SV2C: variants seen among roughly 807,000 people sequenced by gnomAD.
SV2C encodes synaptic vesicle glycoprotein 2C, also known as solute carrier family 22 member B3.
A neutral mutation model predicts 79.7 loss-of-function variants in SV2C; 49 were observed. That is an observed-to-expected ratio of 0.61 (90% CI 0.49 to 0.78). The LOEUF (loss-of-function observed/expected upper bound fraction) is 0.78, where lower values mean the gene tolerates loss of function less well. SV2C is among the 30% of genes least tolerant of loss of function. SV2C has a pLI of 0.00. For synonymous variants in SV2C, 334 were observed against 333.2 expected (o/e 1.00, Z -0.03); for missense variants, 833 against 912.9 (o/e 0.91, Z 1.13).
At chr5:76,001,528 G>C in the SV2C span, among the ~76,000 whole-genome samples, 51 of 152,004 alleles carry the variant, frequency 3.4e-4, no homozygotes, top group Non-Finnish European at 1.5e-4. Context: ...CGTGAACCCG[G>C]GAGGTGGAGC....
At chr5:75,998,837 T>G in the SV2C span, among the ~76,000 whole-genome samples, 1 of 152,120 alleles carries the variant, frequency 6.6e-6, no homozygotes, top group Admixed American at 6.6e-5. Context: ...TCTCACTCTC[T>G]CTCTCTCTAT....
chr5:76,053,869 T>C, the SV2C span, among the ~76,000 whole-genome samples: 6 of 152,144 alleles, frequency 3.9e-5, no homozygotes, highest in African/African-American at 4.8e-5. Flanking sequence ...ACAAATCTCA[T>C]AGGCTGTGGT....
intron 3 of SV2C, among the ~76,000 whole-genome samples, chr5:76,206,714 T>A (rs1054898575): frequency 2.6e-5 from 4 of 152,218 alleles, no homozygotes; most frequent in African/African-American, 9.6e-5. Context: ...AGAATGAATA[T>A]GATAAAGTCC....
At chr5:76,215,867 A>C (rs1461385181) in intron 4 of SV2C, among the ~76,000 whole-genome samples, 2 of 152,088 alleles carry the variant, frequency 1.3e-5, no homozygotes, top group Non-Finnish European at 2.9e-5. Context: ...AGGCTCGTGG[A>C]CAAAGGTGTT....
chr5:75,882,470 G>A, the SV2C span, among the ~76,000 whole-genome samples: 1 of 151,382 alleles, frequency 6.6e-6, no homozygotes, highest in Admixed American at 6.6e-5. Context: ...GAACAAAGCT[G>A]GAGGCATCAT....
chr5:76,177,090 G>A (rs1183540783), intron 2 of SV2C, among the ~76,000 whole-genome samples: 1 of 145,510 alleles, frequency 6.9e-6, no homozygotes, highest in Non-Finnish European at 1.5e-5. Context: ...ACTCCAGCCT[G>A]GGCGACAGAG....
At chr5:75,901,158 G>C in the SV2C span, among the ~76,000 whole-genome samples, 2 of 152,132 alleles carry the variant, frequency 1.3e-5, no homozygotes, top group Non-Finnish European at 2.9e-5. Flanking sequence ...GAGGAGAGTC[G>C]CTCTGCTTTT....
chr5:76,320,072 G>A (rs543191340), intron 12 of SV2C, among the ~76,000 whole-genome samples: 1 of 152,106 alleles, frequency 6.6e-6, no homozygotes, highest in East Asian at 1.9e-4. Context: ...AGCACTTTGG[G>A]AGGCTGAGGT....
rs369286225 is a variant in SV2C, at chr5:76,300,782, C to T, written c.1690C>T (p.His564Tyr). 1.2e-6 allele frequency: 2 copies of T among 1,614,058 alleles called. No individual in the cohort carries two copies. Among genetic ancestry groups the T allele is most frequent in the Non-Finnish European group, 1.7e-6 (2 of 1,179,980 alleles). Residue 564 changes from histidine to tyrosine, a missense_variant, in exon 11 of 13, where the codon CAC becomes TAC. By Grantham distance (83) the His-to-Tyr change is moderately conservative. Transcript: ENST00000502798. The stretch of plus-strand genomic sequence containing the variant: ...TGAATTTAAAAACTGCTCGTTTTTT[C>T]ACAACAAGACGGGATGTCAGATTAC... ...DSEFKNCSFFHNKTGCQITFD... is the reference protein window; with the variant it reads ...DSEFKNCSFFYNKTGCQITFD...
intron 4 of SV2C, among the ~76,000 whole-genome samples, chr5:76,254,976 C>G (rs938166216): frequency 6.6e-6 from 1 of 152,130 alleles, no homozygotes; most frequent in Non-Finnish European, 1.5e-5. Context: ...CCTCTCTCCA[C>G]CCCACCCCCA....
chr5:76,299,779 A>T (rs1387286870), intron 10 of SV2C, among the ~76,000 whole-genome samples: 1 of 152,140 alleles, frequency 6.6e-6, no homozygotes, highest in Non-Finnish European at 1.5e-5. Flanking sequence ...AACCCATTAA[A>T]CCTCAGAAGA....
chr5:76,304,429 T>C (rs949846914), intron 12 of SV2C, among the ~76,000 whole-genome samples: 1 of 152,196 alleles, frequency 6.6e-6, no homozygotes, highest in African/African-American at 2.4e-5. Context: ...TCCCAACCAG[T>C]TGAGACACTC....
chr5:76,151,448 G>A (rs1487277521), intron 2 of SV2C, among the ~76,000 whole-genome samples: 1 of 152,158 alleles, frequency 6.6e-6, no homozygotes, highest in Non-Finnish European at 1.5e-5. Flanking sequence ...AGACTGCTGT[G>A]TGTGGAATGG....
At chr5:75,921,599 A>T in the SV2C span, 1 of 973,984 alleles carries the variant, frequency 1.0e-6, no homozygotes, top group Non-Finnish European at 1.6e-6. Context: ...GTAGGAGGTG[A>T]CAATTGTGTT....
At chr5:76,267,230 G>A (rs891507922) in intron 4 of SV2C, among the ~76,000 whole-genome samples, 1 of 152,068 alleles carries the variant, frequency 6.6e-6, no homozygotes, top group African/African-American at 2.4e-5. Flanking sequence ...AATATACCTG[G>A]TGTAGCCAGA....
At chr5:76,027,408 T>C in the SV2C span, among the ~76,000 whole-genome samples, 4 of 152,156 alleles carry the variant, frequency 2.6e-5, no homozygotes, top group Non-Finnish European at 5.9e-5. Context: ...TCTTATTTTA[T>C]ATCTTGTCCA....
In SV2C at chr5:76,209,720, C is replaced by G; in HGVS notation, c.762-16C>G. 1.2e-6 allele frequency: 2 copies of G among 1,612,108 alleles called. No homozygotes were observed. Among genetic ancestry groups the G allele is most frequent in the African/African-American group, 1.3e-5 (1 of 75,046 alleles). On this transcript the variant is annotated splice_polypyrimidine_tract_variant and intron_variant, in intron 3 of 12. Coordinates refer to ENST00000502798, the MANE Select transcript of SV2C (RefSeq NM_014979.4). ...TCCACACCCTGATTTCATGTATTCT[C>G]TGTACCTCTTGGCAGGATTGGAGGA...
At chr5:76,294,187 G>C (rs544573265) in intron 8 of SV2C, among the ~76,000 whole-genome samples, 3 of 152,060 alleles carry the variant, frequency 2.0e-5, no homozygotes, top group Non-Finnish European at 2.9e-5. Context: ...TAGAGGTATC[G>C]TGTGAACCAC....
At chr5:76,053,160 C>T in the SV2C span, among the ~76,000 whole-genome samples, 4 of 150,866 alleles carry the variant, frequency 2.7e-5, no homozygotes, top group Admixed American at 6.6e-5. Context: ...AGAGCTATTG[C>T]GGATTCTAAA....
Sources: allele counts gnomAD v4.1 joint callset (sites outside exome capture counted in the v4.1 genomes callset), GRCh38; gene constraint gnomAD v4.1.1; transcripts MANE v1.5; gene names NCBI Gene and HGNC (gene_info 2026-07-23, HGNC 2026-07-21).